The following CNTNAP5 variants were observed in gnomAD, a reference collection of about 807,000 sequenced individuals.
CNTNAP5 encodes contactin-associated protein-like 5.
CNTNAP5 carries 72 observed loss-of-function variants against 150.2 expected under a neutral mutation model. The ratio of observed to expected loss-of-function variants is 0.48; its 90% CI spans 0.40 to 0.58. CNTNAP5 has a LOEUF of 0.58. Among genes scored for constraint, CNTNAP5 ranks in the 20% least tolerant of loss-of-function variants. CNTNAP5 has a pLI of 0.00. For synonymous variants in CNTNAP5, 672 were observed against 619.8 expected (o/e 1.08, Z -1.25); for missense variants, 1,636 against 1,626.2 (o/e 1.01, Z -0.10).
At chr2:124,859,236 C>T (rs553792319) in intron 19 of CNTNAP5, among the ~76,000 whole-genome samples, 1 of 152,012 alleles carries the variant, frequency 6.6e-6, no homozygotes, top group Non-Finnish European at 1.5e-5. Context: ...ACCCCATCAA[C>T]AAGTGGGCAA....
intron 1 of CNTNAP5, among the ~76,000 whole-genome samples, chr2:124,152,612 AG>A (rs1256833361): frequency 1.3e-5 from 2 of 152,092 alleles, no homozygotes; most frequent in East Asian, 3.9e-4. Flanking sequence ...GGAGGGAGAG[AG>A]CATGTGGAGG....
At chr2:124,162,646 A>G (rs971581134) in intron 1 of CNTNAP5, among the ~76,000 whole-genome samples, 1 of 152,216 alleles carries the variant, frequency 6.6e-6, no homozygotes, top group African/African-American at 2.4e-5. Context: ...AAGAGTGAAA[A>G]GTAGAAATCA....
chr2:124,297,184 C>T (rs1688454794), intron 3 of CNTNAP5, among the ~76,000 whole-genome samples: 1 of 152,152 alleles, frequency 6.6e-6, no homozygotes, highest in Non-Finnish European at 1.5e-5. Context: ...TTAAAAAGTC[C>T]TTTTGGTCCA....
intron 8 of CNTNAP5, among the ~76,000 whole-genome samples, chr2:124,523,064 T>C (rs1373768300): frequency 1.3e-5 from 2 of 152,192 alleles, no homozygotes; most frequent in Non-Finnish European, 2.9e-5. Flanking sequence ...CTTTTAACAA[T>C]GGACTACCCT....
intron 12 of CNTNAP5, among the ~76,000 whole-genome samples, chr2:124,643,843 C>T (rs529890447): frequency 1.1e-4 from 17 of 152,260 alleles, no homozygotes; most frequent in Middle Eastern, 3.4e-3. Flanking sequence ...GATTCCAATC[C>T]GAATAGGATT....
intron 1 of CNTNAP5, among the ~76,000 whole-genome samples, chr2:124,074,744 C>A (rs1209867842): frequency 6.6e-6 from 1 of 152,096 alleles, no homozygotes; most frequent in Admixed American, 6.6e-5. Context: ...ATTTGATCAT[C>A]TTGTGTCTAC....
chr2:124,423,524 A>AT (rs1692163685), intron 4 of CNTNAP5, among the ~76,000 whole-genome samples: 1 of 150,978 alleles, frequency 6.6e-6, no homozygotes, highest in Non-Finnish European at 1.5e-5. Context: ...TTATTTATTT[A>AT]TTTTTTGTAT....
At chr2:124,489,844 C>T (rs989919260) in intron 7 of CNTNAP5, among the ~76,000 whole-genome samples, 1 of 152,138 alleles carries the variant, frequency 6.6e-6, no homozygotes, top group Admixed American at 6.6e-5. Context: ...TTCCTCCCAG[C>T]TGAGTCAGCT....
At chr2:124,803,023 G>A (rs1408773214) in intron 19 of CNTNAP5, among the ~76,000 whole-genome samples, 1 of 151,446 alleles carries the variant, frequency 6.6e-6, no homozygotes, top group Non-Finnish European at 1.5e-5. Context: ...GCTGAGGCAG[G>A]AGAATGATGT....
intron 3 of CNTNAP5, among the ~76,000 whole-genome samples, chr2:124,252,574 A>T (rs1432538342): frequency 6.6e-5 from 10 of 152,052 alleles, no homozygotes; most frequent in Admixed American, 3.9e-4. Context: ...GTTGCTAATG[A>T]TTCCTTCATA....
Position 124,123,666 on chromosome 2 carries a change from C to A in CNTNAP5, c.82+97934C>A, listed in dbSNP as rs962470093. ...GGAGACACCTCCCAGTAGGGGCCGA[C>A]TGACACCTCATATGGCCAGGTGCCC... On this transcript the variant is annotated intron_variant, in intron 1 of 23. Transcript: ENST00000682447. 3.9e-5 allele frequency among the ~76,000 whole-genome samples: 6 copies of A among 152,342 alleles called. No individual in the cohort carries two copies. In the South Asian group the frequency reaches 6.2e-4, roughly 16 times the overall value.
rs532767822 is a variant in CNTNAP5, at chr2:124,158,335, C to A, written c.83-63370C>A. Among the ~76,000 whole-genome samples the A allele has an allele frequency of 9.2e-5, 14 of 152,308 alleles. No individual in the cohort carries two copies. In the South Asian group the frequency reaches 2.7e-3, roughly 29 times the overall value. Reference sequence around the variant, plus strand: ...CAGGACCACCCACAGATACCAAAATCTGTGGATGCTCAAATTCCTTATATA... The same window carrying A: ...CAGGACCACCCACAGATACCAAAATATGTGGATGCTCAAATTCCTTATATA... On this transcript the variant is annotated intron_variant, in intron 1 of 23. Coordinates refer to ENST00000682447, the MANE Select transcript of CNTNAP5 (RefSeq NM_001367498.1).
At chr2:124,859,673 T>C (rs1000115211) in intron 19 of CNTNAP5, among the ~76,000 whole-genome samples, 1 of 152,096 alleles carries the variant, frequency 6.6e-6, no homozygotes, top group African/African-American at 2.4e-5. Context: ...TGTCCATCAA[T>C]GATAGACTGG....
chr2:124,779,500 C>A (rs1681402937), intron 17 of CNTNAP5, among the ~76,000 whole-genome samples: 1 of 152,184 alleles, frequency 6.6e-6, no homozygotes, highest in South Asian at 2.1e-4. Context: ...TTTCGTGCAA[C>A]TTACACACAT....
intron 1 of CNTNAP5, among the ~76,000 whole-genome samples, chr2:124,098,027 C>CA (rs56978281): frequency 3.6e-4 from 55 of 151,390 alleles, no homozygotes; most frequent in African/African-American, 1.1e-3. Flanking sequence ...GACTCCGTCT[C>CA]AAAAAAAATA....
At chr2:124,190,424 G>A (rs1193816811) in intron 1 of CNTNAP5, among the ~76,000 whole-genome samples, 1 of 152,138 alleles carries the variant, frequency 6.6e-6, no homozygotes, top group Admixed American at 6.5e-5. Flanking sequence ...TTCCCTGTGT[G>A]AGTTGAGGAC....
chr2:124,055,330 C>A (rs1309630768), intron 1 of CNTNAP5, among the ~76,000 whole-genome samples: 1 of 152,182 alleles, frequency 6.6e-6, no homozygotes, highest in Non-Finnish European at 1.5e-5. Flanking sequence ...CCAACATTCC[C>A]TGGAAGGATC....
intron 13 of CNTNAP5, among the ~76,000 whole-genome samples, chr2:124,692,401 C>T (rs967147340): frequency 1.3e-5 from 2 of 152,098 alleles, no homozygotes; most frequent in Non-Finnish European, 2.9e-5. Context: ...GACCATATGG[C>T]TTGCAAAGCT....
intron 1 of CNTNAP5, among the ~76,000 whole-genome samples, chr2:124,056,081 G>A (rs964079232): frequency 2.0e-5 from 3 of 152,062 alleles, no homozygotes; most frequent in Non-Finnish European, 2.9e-5. Context: ...TTCATCTCAT[G>A]TTACATTTCT....
Sources: gnomAD v4.1 joint callset for allele counts (sites outside exome capture counted in the v4.1 genomes callset) on GRCh38, gnomAD v4.1.1 for gene constraint, MANE v1.5 for transcripts, NCBI Gene and HGNC (gene_info 2026-07-23, HGNC 2026-07-21) for gene names.